Variants in TSC22D1 observed in about 807,000 individuals in gnomAD.
The protein encoded by TSC22D1 is TSC22 domain family member 1.
TSC22D1 carries 9 observed loss-of-function variants against 74.2 expected under a neutral mutation model. The ratio of observed to expected loss-of-function variants is 0.12; its 90% CI spans 0.07 to 0.21. The LOEUF is 0.21. TSC22D1 is among the 10% of genes least tolerant of loss of function. TSC22D1 has a pLI of 1.00. For missense variants in TSC22D1, 1,427 were observed against 1,304.7 expected, an observed-to-expected ratio of 1.09 and a Z score of -1.44; for synonymous variants, 586 against 492.5, an observed-to-expected ratio of 1.19 and a Z score of -2.51.
intron 1 of TSC22D1, among the ~76,000 whole-genome samples, chr13:44,437,901 T>C (rs1390349044): frequency 1.3e-5 from 2 of 152,170 alleles, no homozygotes; most frequent in Admixed American, 6.5e-5. Context: ...AAGCAGCCAA[T>C]AGATGCTGTA....
intron 1 of TSC22D1, among the ~76,000 whole-genome samples, chr13:44,448,570 T>G (rs1004778338): frequency 6.6e-6 from 1 of 152,178 alleles, no homozygotes; most frequent in Non-Finnish European, 1.5e-5. Flanking sequence ...CTCTGTGTGC[T>G]GGGGACACAG....
At chr13:44,551,310 G>GGGGGGTGTGTGTGT (rs1555272439) in intron 1 of TSC22D1, among the ~76,000 whole-genome samples, 1 of 132,776 alleles carries the variant, frequency 7.5e-6, no homozygotes, top group African/African-American at 2.9e-5. Flanking sequence ...ATCAGCTGGG[G>GGGGGGTGTGTGTGT]GTGTGTGTGT....
chr13:44,571,711 ATAATGGAACAAT>A (rs1566182751), intron 1 of TSC22D1, among the ~76,000 whole-genome samples: 1 of 152,198 alleles, frequency 6.6e-6, no homozygotes, highest in African/African-American at 2.4e-5. Flanking sequence ...TTTAACAATA[ATAATGGAACAAT>A]TAAGGAAACT....
intron 1 of TSC22D1, among the ~76,000 whole-genome samples, chr13:44,529,850 T>C (rs1254820835): frequency 1.3e-5 from 2 of 152,044 alleles, no homozygotes; most frequent in African/African-American, 2.4e-5. Context: ...CACTTTGGTA[T>C]AAATCTAACA....
intron 1 of TSC22D1, chr13:44,538,190 A>G: frequency 1.0e-6 from 1 of 985,308 alleles, no homozygotes; most frequent in Non-Finnish European, 1.2e-6. Context: ...GTATGAAAAA[A>G]ATACCTCAAG....
intron 1 of TSC22D1, chr13:44,538,955 C>T (rs1483956705): frequency 2.0e-6 from 2 of 985,232 alleles, no homozygotes; most frequent in African/African-American, 1.7e-5. Context: ...CAGAAGGAAT[C>T]CACCAAGGAA....
rs1167770159 is a variant in TSC22D1 at position 44,517,856 on chromosome 13, TA to T, written c.2912+55306del. 1.8e-3 allele frequency among the ~76,000 whole-genome samples: 82 copies of T among 45,556 alleles called. 1 individual carries two copies. The highest frequency in any genetic ancestry group is 4.9e-3 in the African/African-American group (76 of 15,616). 29.9% of individuals were successfully genotyped at this position (45,556 alleles called of 152,430 possible). ...ATATATATATATATATATATATATA[TA>T]TTTTTTTTTTTTTTTTTTTTTTAAC... On this transcript the variant is annotated intron_variant, in intron 1 of 2. Coordinates refer to ENST00000458659, the MANE Select transcript of TSC22D1 (RefSeq NM_183422.4).
chr13:44,493,878 C>CT (rs1265671589), intron 1 of TSC22D1, among the ~76,000 whole-genome samples: 12 of 152,254 alleles, frequency 7.9e-5, no homozygotes, highest in Admixed American at 4.6e-4. Flanking sequence ...TAACCACAAG[C>CT]TAACAAACAG....
chr13:44,464,439 G>A (rs548681233), intron 1 of TSC22D1, among the ~76,000 whole-genome samples: 4 of 152,084 alleles, frequency 2.6e-5, no homozygotes, highest in Admixed American at 1.3e-4. Flanking sequence ...CTGACCTTAC[G>A]GAGTTTACAG....
intron 1 of TSC22D1, among the ~76,000 whole-genome samples, chr13:44,461,906 G>T (rs765880077): frequency 1.3e-5 from 2 of 152,152 alleles, no homozygotes; most frequent in African/African-American, 4.8e-5. Context: ...GGTGTTTACC[G>T]CAGGGGAGTA....
At chr13:44,456,273 GA>G (rs1202391295) in intron 1 of TSC22D1, among the ~76,000 whole-genome samples, 1 of 152,208 alleles carries the variant, frequency 6.6e-6, no homozygotes, top group Non-Finnish European at 1.5e-5. Flanking sequence ...CTGCTGGCTG[GA>G]GTAGCCAGCT....
intron 1 of TSC22D1, among the ~76,000 whole-genome samples, chr13:44,445,754 A>G (rs1875585486): frequency 6.6e-6 from 1 of 152,218 alleles, no homozygotes; most frequent in Non-Finnish European, 1.5e-5. Flanking sequence ...TGGATGGTAA[A>G]TAAGCGCCTG....
At chr13:44,478,215 G>T (rs1878014714) in intron 1 of TSC22D1, among the ~76,000 whole-genome samples, 1 of 151,936 alleles carries the variant, frequency 6.6e-6, no homozygotes, top group Non-Finnish European at 1.5e-5. Context: ...TAAGTTACAA[G>T]AAATATTAAA....
At chr13:44,527,301 A>C (rs1400256067) in intron 1 of TSC22D1, among the ~76,000 whole-genome samples, 1 of 152,186 alleles carries the variant, frequency 6.6e-6, no homozygotes, top group African/African-American at 2.4e-5. Flanking sequence ...TCTAACACAT[A>C]AATTTGTTCA....
chr13:44,471,941 A>C (rs1036750687), intron 1 of TSC22D1, among the ~76,000 whole-genome samples: 3 of 152,236 alleles, frequency 2.0e-5, no homozygotes, highest in Admixed American at 2.0e-4. Flanking sequence ...CATTGTATAC[A>C]CTACTTGCCC....
chr13:44,560,480 C>A (rs1205398217), intron 1 of TSC22D1, among the ~76,000 whole-genome samples: 1 of 152,142 alleles, frequency 6.6e-6, no homozygotes, highest in Non-Finnish European at 1.5e-5. Context: ...TTTAATTTTA[C>A]TTCTGAATAT....
At chr13:44,512,411 C>T (rs1030950964) in intron 1 of TSC22D1, among the ~76,000 whole-genome samples, 21 of 151,548 alleles carry the variant, frequency 1.4e-4, no homozygotes, top group Non-Finnish European at 2.4e-4. Flanking sequence ...CCTCGTGATC[C>T]GCCCGCCTCG....
chr13:44,558,361 T>C (rs568009761), intron 1 of TSC22D1, among the ~76,000 whole-genome samples: 1 of 152,350 alleles, frequency 6.6e-6, no homozygotes, highest in East Asian at 1.9e-4. Context: ...CCCTGTCATA[T>C]AATCCTCAGG....
chr13:44,505,492 T>G (rs550194668), intron 1 of TSC22D1, among the ~76,000 whole-genome samples: 1 of 152,260 alleles, frequency 6.6e-6, no homozygotes, highest in Non-Finnish European at 1.5e-5. Flanking sequence ...AGGTTGAGGC[T>G]GCAGTAAGCC....
Sources: allele counts gnomAD v4.1 joint callset (sites outside exome capture counted in the v4.1 genomes callset), GRCh38; gene constraint gnomAD v4.1.1; transcripts MANE v1.5; gene names NCBI Gene and HGNC (gene_info 2026-07-23, HGNC 2026-07-21).